The following ZHX3 variants were observed in gnomAD, a reference collection of about 807,000 sequenced individuals.
The protein encoded by ZHX3 is zinc fingers and homeoboxes 3, also known as zinc fingers and homeoboxes protein 3.
ZHX3 carries 20 observed loss-of-function variants against 64.5 expected under a neutral mutation model. The ratio of observed to expected loss-of-function variants is 0.31; its 90% CI spans 0.22 to 0.45. ZHX3 has a LOEUF of 0.45. Among genes scored for constraint, ZHX3 ranks in the 20% least tolerant of loss-of-function variants. The pLI, the probability that ZHX3 is intolerant of heterozygous loss-of-function variation, is 1.00. For missense variants in ZHX3, 1,041 were observed against 1,195.8 expected, an observed-to-expected ratio of 0.87 and a Z score of 1.91; for synonymous variants, 423 against 461.6, an observed-to-expected ratio of 0.92 and a Z score of 1.07.
chr20:41,255,285 G>A (rs1166703282), intron 2 of ZHX3, among the ~76,000 whole-genome samples: 1 of 152,066 alleles, frequency 6.6e-6, no homozygotes, highest in African/African-American at 2.4e-5. Context: ...CTGAGTAGCT[G>A]GGACTACAGG....
chr20:41,252,460 A>G (rs1242518635), intron 2 of ZHX3, among the ~76,000 whole-genome samples: 2 of 152,146 alleles, frequency 1.3e-5, no homozygotes, highest in African/African-American at 2.4e-5. Context: ...TTAGTCCCCT[A>G]TGGCCCAACA....
intron 1 of ZHX3, among the ~76,000 whole-genome samples, chr20:41,284,592 T>C (rs935976764): frequency 6.6e-6 from 1 of 152,118 alleles, no homozygotes; most frequent in Non-Finnish European, 1.5e-5. Context: ...AGTTACATAT[T>C]TTCTCAAAGG....
chr20:41,185,494 C>G lies in ZHX3; in HGVS notation c.2861-293G>C. 1.9e-6 allele frequency: 1 copy of G among 528,724 alleles called. No individual in the cohort carries two copies. Among genetic ancestry groups the G allele is most frequent in the Non-Finnish European group, 3.3e-6 (1 of 301,278 alleles). The allele number at this position is 528,724 out of a possible 1,614,324, so 32.8% of individuals were successfully genotyped here. ...TTTGGCCTCTCCAGGCCCACTAAAT[C>G]CCCCTAGCTCCCCAGGCTTCCGCCA... is the stretch of plus-strand genomic sequence containing the variant. On this transcript the variant is annotated intron_variant, in intron 3 of 3. Transcript: ENST00000683867. The surrounding 1 kb of genome is among the most constrained non-coding windows in gnomAD (Gnocchi z 5.0).
chr20:41,205,291 G>T (rs1600768805), intron 2 of ZHX3, among the ~76,000 whole-genome samples: 1 of 152,076 alleles, frequency 6.6e-6, no homozygotes, highest in South Asian at 2.1e-4. Flanking sequence ...ATAGACTTAA[G>T]CAACGTATTT....
intron 1 of ZHX3, among the ~76,000 whole-genome samples, chr20:41,284,659 C>A (rs1209380535): frequency 6.6e-6 from 1 of 152,220 alleles, no homozygotes; most frequent in Non-Finnish European, 1.5e-5. Context: ...ATTTTCCTTA[C>A]TGTTCCAGGT....
At chr20:41,261,392 C>T (rs1299860292) in intron 2 of ZHX3, among the ~76,000 whole-genome samples, 1 of 152,154 alleles carries the variant, frequency 6.6e-6, no homozygotes, top group Non-Finnish European at 1.5e-5. Flanking sequence ...CCTCATCATT[C>T]ATCTACCAAA....
chr20:41,220,798 A>G (rs1470115325), intron 2 of ZHX3, among the ~76,000 whole-genome samples: 2 of 151,600 alleles, frequency 1.3e-5, no homozygotes, highest in Non-Finnish European at 2.9e-5. Context: ...GACTCAAGTG[A>G]TCCTCCCGCT....
intron 2 of ZHX3, among the ~76,000 whole-genome samples, chr20:41,265,238 T>C (rs1263906179): frequency 6.6e-6 from 1 of 151,968 alleles, no homozygotes; most frequent in Non-Finnish European, 1.5e-5. Flanking sequence ...GTTTCGCTTT[T>C]GTTGGCCAGG....
rs545427955 is a variant in ZHX3, at chr20:41,311,466, A to G, written c.-245+6043T>C. On this transcript the variant is annotated intron_variant, in intron 1 of 3. Transcript: ENST00000683867. ...ATCTATATGCTTTGGCATAGTGGTTATTAACAGAAGCTTCCCAGGAGAATA... is the reference window on the plus strand; with the variant it reads ...ATCTATATGCTTTGGCATAGTGGTTGTTAACAGAAGCTTCCCAGGAGAATA... Among the ~76,000 whole-genome samples, 121 of 152,370 alleles carry G rather than the reference A, an allele frequency of 7.9e-4. 1 individual carries two copies. In the South Asian group the frequency reaches 0.01, roughly 13 times the overall value.
chr20:41,295,539 T>G (rs1038827980), intron 1 of ZHX3, among the ~76,000 whole-genome samples: 1 of 152,194 alleles, frequency 6.6e-6, no homozygotes, highest in Non-Finnish European at 1.5e-5. Flanking sequence ...ACTTTCTATT[T>G]CACTGTTGGC....
At chr20:41,225,644 C>G (rs113848623) in intron 2 of ZHX3, among the ~76,000 whole-genome samples, 3 of 152,104 alleles carry the variant, frequency 2.0e-5, no homozygotes, top group Non-Finnish European at 4.4e-5. Context: ...CCTACCACCA[C>G]GCAGGGCTAA....
intron 3 of ZHX3, among the ~76,000 whole-genome samples, chr20:41,197,569 TGA>T (rs2037845940): frequency 1.3e-5 from 2 of 151,814 alleles, no homozygotes; most frequent in African/African-American, 4.8e-5. Flanking sequence ...ATATCTAACA[TGA>T]GTCTCTTAAG....
At chr20:41,252,204 C>A (rs1600511423) in intron 2 of ZHX3, among the ~76,000 whole-genome samples, 1 of 152,244 alleles carries the variant, frequency 6.6e-6, no homozygotes, top group East Asian at 1.9e-4. Flanking sequence ...GAAATGTCCT[C>A]TTTTCAGACT....
At chr20:41,255,759 G>A (rs2042217984) in intron 2 of ZHX3, among the ~76,000 whole-genome samples, 1 of 152,134 alleles carries the variant, frequency 6.6e-6, no homozygotes. Flanking sequence ...GTTACAACTT[G>A]GAATCTGACT....
At chr20:41,209,672 T>C (rs2039006685) in intron 2 of ZHX3, among the ~76,000 whole-genome samples, 1 of 152,202 alleles carries the variant, frequency 6.6e-6, no homozygotes, top group South Asian at 2.1e-4. Context: ...ATCCCTTCCT[T>C]ACACCTTATA....
intron 1 of ZHX3, among the ~76,000 whole-genome samples, chr20:41,275,664 A>C (rs184944056): frequency 6.6e-6 from 1 of 152,338 alleles, no homozygotes; most frequent in African/African-American, 2.4e-5. Context: ...GAGTTTTGCC[A>C]CAAATTCTTC....
Position 41,204,070 on chromosome 20 carries a change from G to T in ZHX3, c.847C>A (p.Gln283Lys). 1 of 1,612,012 alleles carries T rather than the reference G, an allele frequency of 6.2e-7. No individual in the cohort carries two copies. The highest frequency in any genetic ancestry group is 8.5e-7 in the Non-Finnish European group (1 of 1,178,804). The change falls in exon 3 of 4, where the codon CAA becomes AAA. Residue 283 changes from glutamine to lysine, a missense_variant. Physicochemically the swap from Gln to Lys is moderately conservative, Grantham distance 53 (BLOSUM62 1). Coordinates refer to ENST00000683867, the MANE Select transcript of ZHX3 (RefSeq NM_001384317.1). This position sits in a 1 kb window ranked among gnomAD's most constrained non-coding sequence, Gnocchi z 6.6. ...GGCAGTGGCTGGTGGACATGGTGTT[G>T]GGCATGCACTGGGGGCTGCTGCTGG... ...SLQQQPPVHA[Q>K]HHVHQPLPTA...
intron 3 of ZHX3, among the ~76,000 whole-genome samples, chr20:41,197,569 T>A (rs193280452): frequency 2.0e-5 from 3 of 151,814 alleles, no homozygotes; most frequent in Non-Finnish European, 2.9e-5. Context: ...ATATCTAACA[T>A]GAGTCTCTTA....
chr20:41,256,480 T>C (rs914680209), intron 2 of ZHX3, among the ~76,000 whole-genome samples: 9 of 151,972 alleles, frequency 5.9e-5, no homozygotes, highest in Non-Finnish European at 2.9e-5. Context: ...CCCCTCATTT[T>C]TAGAAGGGGT....
Sources: gnomAD v4.1 joint callset for allele counts (sites outside exome capture counted in the v4.1 genomes callset) on GRCh38, gnomAD v4.1.1 for gene constraint, Gnocchi (gnomAD v3.1) non-coding constraint, MANE v1.5 for transcripts, NCBI Gene and HGNC (gene_info 2026-07-23, HGNC 2026-07-21) for gene names.